PUDP: variants seen among roughly 807,000 people sequenced by gnomAD.
The protein encoded by PUDP is pseudouridine 5'-phosphatase.
In PUDP, 8 loss-of-function variants were observed where a neutral mutation model predicts 9.4. The ratio of observed to expected loss-of-function variants is 0.85; its 90% CI spans 0.50 to 1.53. The LOEUF is 1.53. Ranked by LOEUF, PUDP falls within the 40% of genes most tolerant of loss-of-function variation. PUDP has a pLI of 0.00. For synonymous variants in PUDP, 99 were observed against 80.7 expected (o/e 1.23, Z -1.22); for missense variants, 188 against 189.7 (o/e 0.99, Z 0.05).
chrX:7,033,892 C>T (rs984633490), intron 1 of PUDP, among the ~76,000 whole-genome samples: 26 of 111,517 alleles, frequency 2.3e-4, no homozygotes, highest in African/African-American at 7.5e-4. Flanking sequence ...AAGAGAGAGG[C>T]GTAAATGCCA....
chrX:6,916,191 TA>T (rs1927925887), intron 3 of PUDP, among the ~76,000 whole-genome samples: 1 of 69,862 alleles, frequency 1.4e-5, no homozygotes, highest in Non-Finnish European at 2.6e-5. Flanking sequence ...ATGCTTTTTC[TA>T]CACACACACA....
intron 3 of PUDP, among the ~76,000 whole-genome samples, chrX:6,883,306 G>C (rs1163606877): frequency 9.0e-6 from 1 of 111,123 alleles, no homozygotes; most frequent in Non-Finnish European, 1.9e-5. Flanking sequence ...TGGATCACTT[G>C]AGGTCAGGAG....
In PUDP at chrX:7,095,853, T is replaced by C. The variant is rs769124187; in HGVS notation, c.280+9767A>G. 1.7e-4 allele frequency among the ~76,000 whole-genome samples: 19 copies of C among 112,399 alleles called. 1 individual carries two copies. The East Asian group carries it at 4.8e-3, about 28-fold the overall frequency. On this transcript the variant is annotated intron_variant, in intron 2 of 3. Transcript: ENST00000381077. ...GGTTCCTAAAGGTAACAGCTGGCCCTGAAGCCACTGGCACAGGAGACGGAA... is the reference window on the plus strand; with the variant it reads ...GGTTCCTAAAGGTAACAGCTGGCCCCGAAGCCACTGGCACAGGAGACGGAA...
chrX:7,110,160 G>A (rs1429686833), intron 1 of PUDP, among the ~76,000 whole-genome samples: 2 of 112,032 alleles, frequency 1.8e-5, no homozygotes, highest in African/African-American at 6.5e-5. Context: ...CTGAGTTCCC[G>A]GGGGCTTATG....
intron 3 of PUDP, among the ~76,000 whole-genome samples, chrX:6,734,589 G>A (rs905065659): frequency 1.8e-5 from 2 of 111,511 alleles, no homozygotes; most frequent in African/African-American, 6.5e-5. Flanking sequence ...TCTGGGCAAT[G>A]TAGCAAGACC....
intron 3 of PUDP, among the ~76,000 whole-genome samples, chrX:7,058,554 C>A (rs1930311744): frequency 8.9e-6 from 1 of 112,061 alleles, no homozygotes; most frequent in Non-Finnish European, 1.9e-5. Flanking sequence ...GGGCCTTAAA[C>A]TTTGTTTTTA....
intron 1 of PUDP, among the ~76,000 whole-genome samples, chrX:7,025,328 A>G (rs1404959982): frequency 1.1e-4 from 12 of 111,916 alleles, no homozygotes; most frequent in Non-Finnish European, 2.1e-4. Context: ...TGGAACTTCC[A>G]TTTCCCAAAA....
intron 2 of PUDP, among the ~76,000 whole-genome samples, chrX:7,090,376 C>A (rs1352747117): frequency 9.0e-6 from 1 of 110,842 alleles, no homozygotes; most frequent in Non-Finnish European, 1.9e-5. Context: ...GCCATAGACC[C>A]ACCATTTCAA....
chrX:6,837,777 CT>C (rs1268005172), intron 3 of PUDP, among the ~76,000 whole-genome samples: 2 of 111,210 alleles, frequency 1.8e-5, no homozygotes, highest in Non-Finnish European at 1.9e-5. Context: ...TGCCCCAGCC[CT>C]TTCTGTGGCT....
intron 3 of PUDP, among the ~76,000 whole-genome samples, chrX:6,902,073 C>CG (rs1013386979): frequency 1.5e-4 from 17 of 110,244 alleles, no homozygotes; most frequent in Non-Finnish European, 2.8e-4. Flanking sequence ...TGGCGGGGGG[C>CG]GGGGGTCTCA....
intron 3 of PUDP, among the ~76,000 whole-genome samples, chrX:6,783,980 C>T (rs1454611730): frequency 1.8e-5 from 2 of 111,480 alleles, no homozygotes; most frequent in Admixed American, 9.5e-5. Flanking sequence ...CTATTCCACA[C>T]GGGCCCTCAA....
chrX:7,047,181 G>A (rs188025778), downstream of PUDP, among the ~76,000 whole-genome samples: 1,349 of 111,663 alleles, frequency 0.012, 5 homozygotes, highest in Non-Finnish European at 0.016. Flanking sequence ...ATCTCACTGC[G>A]AATTCCAACA....
chrX:7,091,505 A>AT (rs1331045038), intron 2 of PUDP, among the ~76,000 whole-genome samples: 13 of 110,809 alleles, frequency 1.2e-4, no homozygotes, highest in East Asian at 1.1e-3. Context: ...TGCCCAGCTA[A>AT]TTTTTTTTGT....
chrX:6,817,581 G>A (rs1238425530), intron 3 of PUDP, among the ~76,000 whole-genome samples: 1 of 111,688 alleles, frequency 9.0e-6, no homozygotes, highest in African/African-American at 3.3e-5. Context: ...CTAGTCAATG[G>A]GAAAGATTCA....
intron 3 of PUDP, among the ~76,000 whole-genome samples, chrX:6,862,597 T>G (rs1298665996): frequency 1.8e-5 from 2 of 111,805 alleles, no homozygotes; most frequent in Non-Finnish European, 3.8e-5. Context: ...TCTTCTTAAT[T>G]CCATTTGAAT....
intron 1 of PUDP, among the ~76,000 whole-genome samples, chrX:6,995,125 CA>C (rs2146806505): frequency 9.2e-6 from 1 of 108,952 alleles, no homozygotes; most frequent in East Asian, 2.9e-4. Context: ...TTTTAAAGCT[CA>C]AAATAATAAA....
chrX:7,094,019 G>A (rs1307598280), intron 2 of PUDP, among the ~76,000 whole-genome samples: 3 of 111,245 alleles, frequency 2.7e-5, no homozygotes, highest in Non-Finnish European at 5.7e-5. Flanking sequence ...CAAGGTGGGA[G>A]GATCGCTTGG....
intron 1 of PUDP, among the ~76,000 whole-genome samples, chrX:7,121,016 G>C (rs765004928): frequency 8.9e-6 from 1 of 111,831 alleles, no homozygotes; most frequent in East Asian, 2.8e-4. Context: ...GAAACTTCTG[G>C]GAGTTGTGGG....
chrX:7,145,117 A>G (rs1324118241), intron 1 of PUDP, among the ~76,000 whole-genome samples: 1 of 112,130 alleles, frequency 8.9e-6, no homozygotes, highest in Non-Finnish European at 1.9e-5. Context: ...GTATGTATAA[A>G]ACACACACAG....
Sources: allele counts gnomAD v4.1 joint callset (sites outside exome capture counted in the v4.1 genomes callset), GRCh38; gene constraint gnomAD v4.1.1; transcripts MANE v1.5; gene names NCBI Gene and HGNC (gene_info 2026-07-23, HGNC 2026-07-21).